CRADD: variants seen among roughly 807,000 people sequenced by gnomAD.
The protein encoded by CRADD is death domain-containing protein CRADD.
Under a neutral mutation model 15.5 loss-of-function variants are expected in CRADD, and 9 were observed. The ratio of observed to expected loss-of-function variants is 0.58; its 90% CI spans 0.35 to 1.01. The LOEUF is 1.01. CRADD is among the 50% of genes least tolerant of loss of function. CRADD has a pLI of 0.02. For synonymous variants in CRADD, 118 were observed against 107.6 expected (o/e 1.10, Z -0.60); for missense variants, 227 against 250.3 (o/e 0.91, Z 0.63).
Position 93,850,296 on chromosome 12 carries a change from A to C in CRADD, c.*25A>C. On this transcript the variant is annotated 3_prime_UTR_variant, in exon 3 of 3. Coordinates refer to ENST00000332896, the MANE Select transcript of CRADD (RefSeq NM_003805.5). The surrounding 1 kb of genome is among the most constrained non-coding windows in gnomAD (Gnocchi z 4.0). ...ATGGTGCCTCCAGCAACCGCTGGGGAGTGTGTCCCTGAGTCATGTGGGCTG... is the reference window on the plus strand; with the variant it reads ...ATGGTGCCTCCAGCAACCGCTGGGGCGTGTGTCCCTGAGTCATGTGGGCTG... 2 of 1,568,052 alleles carry C rather than the reference A, an allele frequency of 1.3e-6. No individual in the cohort carries two copies. The highest frequency in any genetic ancestry group is 1.7e-6 in the Non-Finnish European group (2 of 1,157,898).
At chr12:93,884,676 T>A (rs192119039) in intron 2 of CRADD, among the ~76,000 whole-genome samples, 206 of 152,274 alleles carry the variant, frequency 1.4e-3, no homozygotes, top group Non-Finnish European at 2.2e-3. Flanking sequence ...TTTCCCTTTT[T>A]CCTTTTTGCC....
chr12:93,837,381 C>T (rs1957986414), intron 2 of CRADD: 1 of 152,074 alleles, frequency 6.6e-6, no homozygotes, highest in Admixed American at 6.5e-5. Flanking sequence ...AATTCTCCTG[C>T]CTCAACCTCA....
rs1423101395 is a variant in CRADD, at chr12:93,693,280, T to G, written c.298+14208T>G. Among the ~76,000 whole-genome samples, 4 of 152,244 alleles carry G rather than the reference T, an allele frequency of 2.6e-5. No homozygotes were observed. The East Asian group carries it at 7.7e-4, about 29-fold the overall frequency. ...ATGTAAATGGATTAAATTCTCCAGT[T>G]AAAAGACAGGGTGTCTGAATGGGTT... On this transcript the variant is annotated intron_variant, in intron 2 of 2. Transcript: ENST00000332896.
chr12:93,718,053 G>A (rs1032920098), intron 2 of CRADD, among the ~76,000 whole-genome samples: 18 of 152,074 alleles, frequency 1.2e-4, no homozygotes, highest in African/African-American at 2.7e-4. Flanking sequence ...TTCTTCTACC[G>A]ATATCACACT....
At chr12:93,710,064 A>G (rs959819869) in intron 2 of CRADD, among the ~76,000 whole-genome samples, 5 of 152,188 alleles carry the variant, frequency 3.3e-5, no homozygotes, top group African/African-American at 1.2e-4. Flanking sequence ...ATTTCTCACA[A>G]TTTGGTGTGT....
chr12:93,867,403 A>ATATATATATATATATT (rs985334638), intron 2 of CRADD, among the ~76,000 whole-genome samples: 3 of 143,426 alleles, frequency 2.1e-5, no homozygotes, highest in African/African-American at 7.5e-5. Flanking sequence ...ATATATATAT[A>ATATATATATATATATT]TTTTTTAAAC....
chr12:93,756,963 A>G (rs1956897638), intron 2 of CRADD, among the ~76,000 whole-genome samples: 2 of 152,232 alleles, frequency 1.3e-5, no homozygotes, highest in Non-Finnish European at 2.9e-5. Context: ...ACAGAAAATC[A>G]GTTAATTTAT....
At chr12:93,736,312 G>A (rs1956568032) in intron 2 of CRADD, among the ~76,000 whole-genome samples, 1 of 152,132 alleles carries the variant, frequency 6.6e-6, no homozygotes, top group Admixed American at 6.5e-5. Flanking sequence ...AGGGAATAAT[G>A]TTCCTATTAT....
intron 2 of CRADD, among the ~76,000 whole-genome samples, chr12:93,776,641 G>T (rs1957143681): frequency 6.6e-6 from 1 of 152,168 alleles, no homozygotes; most frequent in East Asian, 1.9e-4. Context: ...ATTTATAGCA[G>T]CCAAACAGTG....
intron 2 of CRADD, among the ~76,000 whole-genome samples, chr12:93,807,781 A>G (rs1957556563): frequency 6.6e-6 from 1 of 151,992 alleles, no homozygotes; most frequent in Non-Finnish European, 1.5e-5. Context: ...CATCCAAATA[A>G]AAACCAATGA....
intron 2 of CRADD, among the ~76,000 whole-genome samples, chr12:93,718,633 A>G (rs1189765700): frequency 6.6e-6 from 1 of 152,072 alleles, no homozygotes; most frequent in Non-Finnish European, 1.5e-5. Flanking sequence ...TTCTTAATCT[A>G]CATACCTTTT....
At chr12:93,873,819 T>C (rs565140062) in intron 2 of CRADD, among the ~76,000 whole-genome samples, 1 of 152,256 alleles carries the variant, frequency 6.6e-6, no homozygotes, top group African/African-American at 2.4e-5. Flanking sequence ...TTGTTCGTGT[T>C]TTGTTGAGGA....
At chr12:93,705,641 C>A (rs1207459882) in intron 2 of CRADD, among the ~76,000 whole-genome samples, 1 of 152,132 alleles carries the variant, frequency 6.6e-6, no homozygotes, top group Non-Finnish European at 1.5e-5. Context: ...TCCTTGTTAA[C>A]CTAAAGGCCT....
Position 93,806,476 on chromosome 12 carries a change from A to G in CRADD, c.299-43494A>G, listed in dbSNP as rs898510802. The stretch of plus-strand genomic sequence containing the variant: ...CAAAAAAAAAAAAAAAAAAAAACAA[A>G]AAAAAGAAAAAAAAGGATGGACTGA... On this transcript the variant is annotated intron_variant, in intron 2 of 2. Transcript: ENST00000332896. Among the ~76,000 whole-genome samples, 424 of 150,268 alleles carry G rather than the reference A, an allele frequency of 2.8e-3. 4 individuals are homozygous for G. Among genetic ancestry groups the G allele is most frequent in the African/African-American group, 9.4e-3 (384 of 40,998 alleles).
At chr12:93,764,323 C>CTGGAGGG (rs1465926568) in intron 2 of CRADD, among the ~76,000 whole-genome samples, 1 of 151,630 alleles carries the variant, frequency 6.6e-6, no homozygotes, top group Non-Finnish European at 1.5e-5. Flanking sequence ...GGCAGAGTTG[C>CTGGAGGG]TGGAGGGAAG....
intron 2 of CRADD, chr12:93,893,967 T>C (rs1958594577): frequency 1.7e-5 from 12 of 697,610 alleles, no homozygotes; most frequent in South Asian, 8.9e-5. Context: ...AGAGCTTAAA[T>C]ACATCTCAAA....
chr12:93,678,983 A>G lies in CRADD; in HGVS notation c.209A>G (p.Asp70Gly). ...CCTTCCAGGGGCCCTAAAGCATTTG[A>G]TACATTCCTAGATTCCCTACAGGAG... is the stretch of plus-strand genomic sequence containing the variant. ...ILPSRGPKAF[D>G]TFLDSLQEFP... The change falls in exon 2 of 3, where the codon GAT (aspartate) becomes GGT (glycine). Residue 70 changes from aspartate to glycine, a missense_variant. Transcript: ENST00000332896. The G allele has an allele frequency of 6.2e-7, 1 of 1,614,032 alleles. No individual in the cohort carries two copies. The highest frequency in any genetic ancestry group is 8.5e-7 in the Non-Finnish European group (1 of 1,179,928).
intron 2 of CRADD, among the ~76,000 whole-genome samples, chr12:93,767,470 G>GT (rs1957038470): frequency 6.6e-6 from 1 of 152,144 alleles, no homozygotes; most frequent in Non-Finnish European, 1.5e-5. Context: ...TACTCTTGTC[G>GT]TTTTTTAAGC....
At chr12:93,783,276 T>G (rs10859578) in intron 2 of CRADD, among the ~76,000 whole-genome samples, 9,211 of 148,478 alleles carry the variant, frequency 0.062, 718 homozygotes, top group African/African-American at 0.15. Flanking sequence ...ATTATTATTT[T>G]ACAGATGAGG....
Sources: gnomAD v4.1 joint callset for allele counts (sites outside exome capture counted in the v4.1 genomes callset) on GRCh38, gnomAD v4.1.1 for gene constraint, Gnocchi (gnomAD v3.1) non-coding constraint, MANE v1.5 for transcripts, NCBI Gene and HGNC (gene_info 2026-07-23, HGNC 2026-07-21) for gene names.